The following ASCC3 variants were observed in gnomAD, a reference collection of about 807,000 sequenced individuals.
ASCC3 encodes activating signal cointegrator 1 complex subunit 3.
A neutral mutation model predicts 256.3 loss-of-function variants in ASCC3; 158 were observed. That is an observed-to-expected ratio of 0.62 (90% CI 0.54 to 0.70). The LOEUF (loss-of-function observed/expected upper bound fraction) is 0.70. Ranked by LOEUF, ASCC3 falls within the 30% of genes least tolerant of loss-of-function variation. The probability of loss-of-function intolerance (pLI) is 0.00; values close to 1 mark genes in which losing one functional copy is unlikely to be tolerated. For missense variants in ASCC3, 2,259 were observed against 2,626.0 expected, an observed-to-expected ratio of 0.86 and a Z score of 3.05; for synonymous variants, 948 against 883.4, an observed-to-expected ratio of 1.07 and a Z score of -1.30.
At chr6:100,694,311 TAA>T (rs369515563) in intron 13 of ASCC3, among the ~76,000 whole-genome samples, 15 of 130,772 alleles carry the variant, frequency 1.1e-4, no homozygotes, top group East Asian at 2.1e-4. Flanking sequence ...TAGAATAAAT[TAA>T]AAAAAAAAAA....
chr6:100,731,255 A>T (rs992841805), intron 10 of ASCC3, among the ~76,000 whole-genome samples: 3 of 152,196 alleles, frequency 2.0e-5, no homozygotes, highest in African/African-American at 4.8e-5. Flanking sequence ...GTGTGTTTAC[A>T]TCTGAAACAC....
At chr6:100,844,378 C>G (rs1253206022) in intron 4 of ASCC3, among the ~76,000 whole-genome samples, 1 of 151,576 alleles carries the variant, frequency 6.6e-6, no homozygotes, top group Non-Finnish European at 1.5e-5. Context: ...CACTTAAAAC[C>G]TGGTAGCTTT....
intron 10 of ASCC3, among the ~76,000 whole-genome samples, chr6:100,763,212 A>T (rs148785009): frequency 6.6e-6 from 1 of 152,328 alleles, no homozygotes; most frequent in East Asian, 1.9e-4. Flanking sequence ...ATCTGTGAGA[A>T]GGGTAGAAGA....
At chr6:100,670,418 T>A (rs1157496067) in intron 14 of ASCC3, among the ~76,000 whole-genome samples, 3 of 151,960 alleles carry the variant, frequency 2.0e-5, no homozygotes, top group Non-Finnish European at 2.9e-5. Flanking sequence ...TAATTTACAC[T>A]GTCTGCCTGT....
intron 36 of ASCC3, among the ~76,000 whole-genome samples, chr6:100,566,055 G>T (rs1770228244): frequency 6.6e-6 from 1 of 152,106 alleles, no homozygotes; most frequent in African/African-American, 2.4e-5. Context: ...GAGTAAAGCA[G>T]CTCTGAATGC....
At chr6:100,626,572 T>G (rs1774248057) in intron 29 of ASCC3, among the ~76,000 whole-genome samples, 1 of 152,088 alleles carries the variant, frequency 6.6e-6, no homozygotes, top group East Asian at 1.9e-4. Context: ...AATACTTCCT[T>G]TCCATCAATG....
chr6:100,711,724 C>CT (rs1431538313), intron 13 of ASCC3, among the ~76,000 whole-genome samples: 2 of 152,118 alleles, frequency 1.3e-5, no homozygotes, highest in African/African-American at 2.4e-5. Flanking sequence ...GAGTGAAACT[C>CT]TGTCTCAAAA....
intron 5 of ASCC3, among the ~76,000 whole-genome samples, chr6:100,804,063 A>G (rs896399236): frequency 6.6e-6 from 1 of 152,140 alleles, no homozygotes; most frequent in African/African-American, 2.4e-5. Flanking sequence ...TTTGTTCCCT[A>G]GCCAACTCTT....
chr6:100,818,024 C>G (rs1770836704), intron 4 of ASCC3, among the ~76,000 whole-genome samples: 1 of 152,054 alleles, frequency 6.6e-6, no homozygotes, highest in Non-Finnish European at 1.5e-5. Flanking sequence ...AAACCAAAAG[C>G]ATCAATATAG....
At position 100,646,705 on chromosome 6, in the gene ASCC3, A is replaced by G; in HGVS notation, c.3543T>C (p.Ser1181=). The change falls in exon 22 of 42, where the codon TCT becomes TCC. Residue 1181 remains serine (S), a synonymous_variant. Transcript: ENST00000369162. ...KVKQCVHQIP[S]VMMEASIQPI... ...GCTGAATGGATGCTTCCATCATAAC[A>G]GAAGGAATCTGATGAACACATTGTT... The G allele has an allele frequency of 6.2e-7, 1 of 1,613,694 alleles. No homozygotes were observed. The highest frequency in any genetic ancestry group is 8.5e-7 in the Non-Finnish European group (1 of 1,179,628).
At chr6:100,767,111 A>G (rs1338647858) in intron 9 of ASCC3, 34 bp downstream of exon 9, 3 of 1,595,420 alleles carry the variant, frequency 1.9e-6, no homozygotes, top group Non-Finnish European at 2.6e-6. Flanking sequence ...ATTCCTTACA[A>G]TTTAAAAAGC....
intron 4 of ASCC3, among the ~76,000 whole-genome samples, chr6:100,837,068 A>C (rs1771911571): frequency 6.6e-6 from 1 of 152,130 alleles, no homozygotes; most frequent in African/African-American, 2.4e-5. Context: ...TGAGCAAAAA[A>C]TCTGAATAGA....
chr6:100,685,713 A>T (rs1183649478), intron 13 of ASCC3, among the ~76,000 whole-genome samples: 2 of 152,210 alleles, frequency 1.3e-5, no homozygotes, highest in Admixed American at 6.5e-5. Context: ...TATATTTCAG[A>T]TATATTTATT....
In ASCC3 at chr6:100,518,217, G is replaced by C; in HGVS notation, c.5776-75C>G. 3 of 1,521,010 alleles carry C rather than the reference G, an allele frequency of 2.0e-6. No individual in the cohort carries two copies. In the South Asian group the frequency reaches 3.4e-5, roughly 17 times the overall value. 94.2% of individuals were successfully genotyped at this position (1,521,010 alleles called of 1,614,324 possible). A position where few individuals can be genotyped will look rare whatever the true frequency, so the allele number is the denominator to read the frequency against. ...CCCCTCCACTGGGATTCTGATGTTA[G>C]CTTTAACAAAAAACAAAGAAACCAA... On this transcript the variant is annotated intron_variant, in intron 37 of 41. Transcript: ENST00000369162.
Position 100,759,288 on chromosome 6 carries a change from G to T in ASCC3, c.1737+7277C>A, listed in dbSNP as rs1317637834. ...TTGGCTTTTGTTGCAATTGCTTTTG[G>T]CATTTTCATCATGAAGTCTTTGCCC... On this transcript the variant is annotated intron_variant, in intron 10 of 41. Coordinates refer to ENST00000369162, the MANE Select transcript of ASCC3 (RefSeq NM_006828.4). Among the ~76,000 whole-genome samples, 4 of 152,062 alleles carry T rather than the reference G, an allele frequency of 2.6e-5. No individual in the cohort carries two copies. The South Asian group carries it at 8.3e-4, about 31-fold the overall frequency.
At chr6:100,818,513 C>A (rs1430046643) in intron 4 of ASCC3, among the ~76,000 whole-genome samples, 4 of 144,828 alleles carry the variant, frequency 2.8e-5, no homozygotes, top group African/African-American at 1.0e-4. Flanking sequence ...TGGAGGTTGC[C>A]GAGAGCCAAG....
intron 10 of ASCC3, among the ~76,000 whole-genome samples, 165 bp from the exon 11 acceptor site, chr6:100,725,868 CAAG>C (rs1779596904): frequency 6.6e-6 from 1 of 151,826 alleles, no homozygotes; most frequent in African/African-American, 2.4e-5. Context: ...ACAGTCATTT[CAAG>C]AAGAACTCTT....
rs113457055 is a variant in ASCC3 at position 100,531,739 on chromosome 6, C to T, written c.5775+8424G>A. Among the ~76,000 whole-genome samples the T allele has an allele frequency of 5.3e-5, 8 of 152,166 alleles. 1 individual carries two copies. The highest frequency in any genetic ancestry group is 1.9e-4 in the African/African-American group (8 of 41,532). ...TTTCAAAAGGTTCCACAGAACTAGT[C>T]TGCGCTTACCTTACCCATGTTTATA... On this transcript the variant is annotated intron_variant, in intron 37 of 41. Transcript: ENST00000369162.
chr6:100,594,252 T>C (rs775933305), intron 34 of ASCC3, among the ~76,000 whole-genome samples: 11 of 152,120 alleles, frequency 7.2e-5, no homozygotes, highest in Non-Finnish European at 1.3e-4. Context: ...CTCTTTGTTA[T>C]ACACACATGC....
Sources: allele counts gnomAD v4.1 joint callset (sites outside exome capture counted in the v4.1 genomes callset), GRCh38; gene constraint gnomAD v4.1.1; transcripts MANE v1.5; gene names NCBI Gene and HGNC (gene_info 2026-07-23, HGNC 2026-07-21).